Variants in ATPAF1 observed in about 807,000 individuals in gnomAD.
The protein encoded by ATPAF1 is ATP synthase mitochondrial F1 complex assembly factor 1, also known as homolog of yeast ATP11.
In ATPAF1, 26 loss-of-function variants were observed where a neutral mutation model predicts 43.9. The observed-to-expected ratio is 0.59, with a 90% CI of 0.43 to 0.82. The LOEUF (loss-of-function observed/expected upper bound fraction) is 0.82, where lower values mean the gene tolerates loss of function less well. ATPAF1 is among the 40% of genes least tolerant of loss of function. The pLI is 0.00. For missense variants in ATPAF1, 366 were observed against 435.0 expected (o/e 0.84, Z 1.41); for synonymous variants, 157 against 168.0 (o/e 0.93, Z 0.50).
intron 6 of ATPAF1, among the ~76,000 whole-genome samples, chr1:46,651,410 T>C (rs1162023605): frequency 6.6e-6 from 1 of 152,130 alleles, no homozygotes; most frequent in Admixed American, 6.6e-5. Flanking sequence ...TGTTGGACAT[T>C]TGGGTTGGTT....
chr1:46,665,767 TC>T (rs1412228947), intron 1 of ATPAF1: 2 of 1,508,818 alleles, frequency 1.3e-6, no homozygotes, highest in Admixed American at 4.3e-5. Context: ...TGAAAATATG[TC>T]CCCCCAACCA....
At chr1:46,664,268 G>A (rs917590978) in intron 2 of ATPAF1, among the ~76,000 whole-genome samples, 2 of 152,076 alleles carry the variant, frequency 1.3e-5, no homozygotes, top group Non-Finnish European at 2.9e-5. Flanking sequence ...TGCCAGAGAC[G>A]GCGCTAAAGA....
At chr1:46,641,612 G>A (rs1467502080) in intron 8 of ATPAF1, among the ~76,000 whole-genome samples, 1 of 152,102 alleles carries the variant, frequency 6.6e-6, no homozygotes, top group Non-Finnish European at 1.5e-5. Context: ...GGCCCCCAGT[G>A]ACTTCCATGT....
intron 1 of ATPAF1, among the ~76,000 whole-genome samples, chr1:46,667,522 A>C (rs1333391222): frequency 6.6e-6 from 1 of 152,160 alleles, no homozygotes; most frequent in Non-Finnish European, 1.5e-5. Flanking sequence ...ACCTTTGGCA[A>C]GTCTCTTACT....
chr1:46,662,854 C>G (rs1346049735), intron 2 of ATPAF1, among the ~76,000 whole-genome samples: 1 of 152,088 alleles, frequency 6.6e-6, no homozygotes, highest in Non-Finnish European at 1.5e-5. Context: ...CATATCTATA[C>G]ATGTACCATG....
At position 46,650,996 on chromosome 1, in the gene ATPAF1, T is replaced by G. The variant is rs151260392; in HGVS notation, c.588+1585A>C. Among the ~76,000 whole-genome samples the G allele has an allele frequency of 5.9e-3, 902 of 152,084 alleles. 11 individuals carry two copies. The highest frequency in any genetic ancestry group is 0.033 in the East Asian group (173 of 5,176). On this transcript the variant is annotated intron_variant, in intron 6 of 8. Transcript: ENST00000574428. Reference sequence around the variant, plus strand: ...AATTTATTGTATATTTTCTTTTTATTTATTTATTTATTATTATTATACTTT... The same window carrying G: ...AATTTATTGTATATTTTCTTTTTATGTATTTATTTATTATTATTATACTTT...
intron 8 of ATPAF1, 55 bp from the exon 9 acceptor site, chr1:46,636,025 T>A: frequency 6.3e-7 from 1 of 1,589,886 alleles, no homozygotes; most frequent in Non-Finnish European, 8.6e-7. Context: ...ACAAAGCTCT[T>A]GTCTGAATTG....
chr1:46,656,194 A>G (rs1353916174), intron 4 of ATPAF1, among the ~76,000 whole-genome samples: 1 of 152,214 alleles, frequency 6.6e-6, no homozygotes, highest in Non-Finnish European at 1.5e-5. Context: ...GATAACAGGT[A>G]GGGCAGGAGA....
intron 1 of ATPAF1, 137 bp from the exon 2 acceptor site, chr1:46,665,501 A>C (rs983872845): frequency 2.8e-5 from 34 of 1,196,940 alleles, no homozygotes; most frequent in Admixed American, 1.3e-4. Flanking sequence ...AGTTAGTAAG[A>C]ACTGGGCACA....
At chr1:46,651,987 A>AGGT (rs1676178030) in intron 6 of ATPAF1, among the ~76,000 whole-genome samples, 4 of 152,166 alleles carry the variant, frequency 2.6e-5, no homozygotes, top group African/African-American at 9.7e-5. Flanking sequence ...ATGAGATACC[A>AGGT]TCTCACACCA....
intron 8 of ATPAF1, among the ~76,000 whole-genome samples, chr1:46,639,484 A>G (rs1461990223): frequency 6.6e-6 from 1 of 152,240 alleles, no homozygotes. Context: ...CACTTACTGC[A>G]TTTCAATGAA....
intron 1 of ATPAF1, 133 bp downstream of exon 1, chr1:46,667,924 C>G: frequency 1.4e-6 from 1 of 701,144 alleles, no homozygotes; most frequent in Non-Finnish European, 2.0e-6. Context: ...CCTAGCCTCG[C>G]GGAGCCTGGC....
intron 6 of ATPAF1, among the ~76,000 whole-genome samples, chr1:46,649,842 C>A (rs1676130073): frequency 1.3e-5 from 2 of 151,938 alleles, no homozygotes; most frequent in Non-Finnish European, 2.9e-5. Context: ...GGGGGTATTG[C>A]TTCAGCTGAA....
intron 6 of ATPAF1, among the ~76,000 whole-genome samples, chr1:46,649,787 A>G (rs1676129085): frequency 1.3e-5 from 2 of 152,086 alleles, no homozygotes; most frequent in African/African-American, 4.8e-5. Flanking sequence ...TTAGCTGAGC[A>G]TGGGGGTGCA....
intron 8 of ATPAF1, among the ~76,000 whole-genome samples, chr1:46,639,728 C>G (rs1436095507): frequency 1.3e-5 from 2 of 152,186 alleles, no homozygotes; most frequent in Admixed American, 6.5e-5. Flanking sequence ...TTCTCTAAGT[C>G]ATGTACAACA....
intron 8 of ATPAF1, 166 bp from the exon 9 acceptor site, chr1:46,636,136 C>A: frequency 1.4e-6 from 1 of 731,980 alleles, no homozygotes; most frequent in Non-Finnish European, 2.4e-6. Flanking sequence ...TCTCTGTGTA[C>A]CAAATCATCC....
chr1:46,636,247 GT>G (rs1675839192), intron 8 of ATPAF1: 2 of 496,344 alleles, frequency 4.0e-6, no homozygotes, highest in Non-Finnish European at 7.4e-6. Flanking sequence ...GACATAGACC[GT>G]GGTTTGTTTT....
In ATPAF1 at chr1:46,636,717, T is replaced by C. The variant is rs577810787; in HGVS notation, c.793-747A>G. Among the ~76,000 whole-genome samples the C allele has an allele frequency of 4.0e-5, 6 of 150,214 alleles. No individual in the cohort carries two copies. In the South Asian group the frequency reaches 1.1e-3, roughly 26 times the overall value. ...GGATTGCTTGAGCCTGTCTGGGTAA[T>C]GTAGTGAGCCCCTTAAAAAAAAAAA... On this transcript the variant is annotated intron_variant, in intron 8 of 8. Transcript: ENST00000574428.
rs1480330792 is a variant in ATPAF1 at position 46,646,534 on chromosome 1, GAACAA to G, written c.589-1283_589-1279del. ...AGTAGTAGAGAAAAGAATGGTGCCA[GAACAA>G]AACAAAAGTATAAAGCAGCCCAATA... On this transcript the variant is annotated intron_variant, in intron 6 of 8. Transcript: ENST00000574428. Among the ~76,000 whole-genome samples, 9 of 152,150 alleles carry G rather than the reference GAACAA, an allele frequency of 5.9e-5. No homozygotes were observed. The South Asian group carries it at 8.3e-4, about 14-fold the overall frequency.
Sources: allele counts gnomAD v4.1 joint callset (sites outside exome capture counted in the v4.1 genomes callset), GRCh38; gene constraint gnomAD v4.1.1; transcripts MANE v1.5; gene names NCBI Gene and HGNC (gene_info 2026-07-23, HGNC 2026-07-21).